Variants in AGBL1 observed in about 807,000 individuals in gnomAD.
AGBL1 encodes the protein cytosolic carboxypeptidase 4.
AGBL1 carries 130 observed loss-of-function variants against 118.9 expected under a neutral mutation model. The observed-to-expected ratio is 1.09, with a 90% confidence interval of 0.95 to 1.26. The LOEUF (loss-of-function observed/expected upper bound fraction) is 1.26, where lower values mean the gene tolerates loss of function less well. Ranked by LOEUF, AGBL1 falls within the 50% of genes most tolerant of loss-of-function variation. AGBL1 has a pLI of 0.00. For synonymous variants in AGBL1, 555 were observed against 478.9 expected (o/e 1.16, Z -2.08); for missense variants, 1,584 against 1,298.1 (o/e 1.22, Z -3.38).
At chr15:86,317,931 C>T (rs2080042056) in intron 17 of AGBL1, among the ~76,000 whole-genome samples, 1 of 152,174 alleles carries the variant, frequency 6.6e-6, no homozygotes, top group African/African-American at 2.4e-5. Context: ...GTTGTATGGA[C>T]ACCAGATGCA....
chr15:86,965,498 T>G lies in AGBL1; in HGVS notation c.3222-22489T>G, dbSNP rs150018901. 8.9e-3 allele frequency among the ~76,000 whole-genome samples: 1,354 copies of G among 152,208 alleles called. 19 individuals are homozygous for G. Among genetic ancestry groups the G allele is most frequent in the Middle Eastern group, 0.034 (10 of 294 alleles). On this transcript the variant is annotated intron_variant, in intron 23 of 24. Transcript: ENST00000441037. ...GATGGGTTTGTTTTTTTCTTGTAAA[T>G]TTGTTTAAGTTCTTTATAGATTCTG...
chr15:86,490,156 C>G (rs2082761461), intron 18 of AGBL1, among the ~76,000 whole-genome samples: 1 of 152,052 alleles, frequency 6.6e-6, no homozygotes, highest in Non-Finnish European at 1.5e-5. Context: ...TTATCTCGTA[C>G]TTTCTGTTAT....
chr15:86,774,608 G>C, intron 22 of AGBL1, among the ~76,000 whole-genome samples: 1 of 152,116 alleles, frequency 6.6e-6, no homozygotes, highest in Admixed American at 6.6e-5. Flanking sequence ...GAAGCTCTAA[G>C]TACAGGGAGC....
intron 7 of AGBL1, among the ~76,000 whole-genome samples, chr15:86,248,868 G>C (rs2078763633): frequency 6.6e-6 from 1 of 152,172 alleles, no homozygotes; most frequent in Non-Finnish European, 1.5e-5. Flanking sequence ...TGTTCTTTTA[G>C]AGAGAGAGGT....
chr15:86,384,318 A>G (rs1163708838), intron 17 of AGBL1, among the ~76,000 whole-genome samples: 1 of 152,214 alleles, frequency 6.6e-6, no homozygotes, highest in East Asian at 1.9e-4. Context: ...GTAGCGTGGG[A>G]TACAAGTGAG....
chr15:86,712,242 A>C (rs757032033), intron 22 of AGBL1, among the ~76,000 whole-genome samples: 1 of 152,216 alleles, frequency 6.6e-6, no homozygotes, highest in Non-Finnish European at 1.5e-5. Flanking sequence ...AATTAAAACA[A>C]ACAAAGCAAT....
At chr15:86,246,328 G>A (rs1471849086) in intron 6 of AGBL1, among the ~76,000 whole-genome samples, 5 of 152,228 alleles carry the variant, frequency 3.3e-5, no homozygotes, top group Non-Finnish European at 7.3e-5. Flanking sequence ...TCGTTACAGA[G>A]CCAGGAGAAT....
intron 18 of AGBL1, among the ~76,000 whole-genome samples, chr15:86,446,761 C>T (rs1304188502): frequency 6.6e-6 from 1 of 152,146 alleles, no homozygotes; most frequent in Non-Finnish European, 1.5e-5. Context: ...ATCCCTGCAG[C>T]TCATATGCTT....
chr15:86,187,370 C>G (rs1451237628), intron 5 of AGBL1, among the ~76,000 whole-genome samples: 1 of 152,188 alleles, frequency 6.6e-6, no homozygotes, highest in African/African-American at 2.4e-5. Flanking sequence ...AGAGTTCTGA[C>G]TTGAAACTTC....
intron 18 of AGBL1, among the ~76,000 whole-genome samples, chr15:86,412,694 C>T (rs74025120): frequency 0.013 from 1,991 of 152,200 alleles, 39 homozygotes; most frequent in African/African-American, 0.044. Context: ...TGGTCTTAGT[C>T]GTCTACACAT....
chr15:86,724,480 A>G (rs1206297523), intron 22 of AGBL1, among the ~76,000 whole-genome samples: 1 of 152,106 alleles, frequency 6.6e-6, no homozygotes, highest in Non-Finnish European at 1.5e-5. Flanking sequence ...TCATGGATGA[A>G]TAGCAATAGT....
At chr15:86,966,060 T>C (rs560452487) in intron 23 of AGBL1, among the ~76,000 whole-genome samples, 3 of 152,010 alleles carry the variant, frequency 2.0e-5, no homozygotes, top group Non-Finnish European at 4.4e-5. Flanking sequence ...TAAATTGTTT[T>C]TGAGGTCACT....
chr15:86,573,529 G>A (rs1267286771), intron 21 of AGBL1, among the ~76,000 whole-genome samples: 1 of 152,218 alleles, frequency 6.6e-6, no homozygotes, highest in Non-Finnish European at 1.5e-5. Flanking sequence ...TTCTTTGAAA[G>A]TAGGGCAGGG....
intron 16 of AGBL1, 67 bp downstream of exon 16, chr15:86,279,850 A>G: frequency 6.4e-7 from 1 of 1,567,836 alleles, no homozygotes; most frequent in Non-Finnish European, 8.8e-7. Context: ...TCCTGGGAAC[A>G]TTTTGGAGAC....
At chr15:86,824,664 C>T (rs1425784545) in intron 22 of AGBL1, among the ~76,000 whole-genome samples, 3 of 152,026 alleles carry the variant, frequency 2.0e-5, no homozygotes, top group Non-Finnish European at 4.4e-5. Flanking sequence ...AGATGAATCA[C>T]TCTACCTGAC....
At chr15:86,988,310 TCTGTATGCATAGAA>T (rs2141735825) in intron 24 of AGBL1, 1 of 482,594 alleles carries the variant, frequency 2.1e-6, no homozygotes, top group Non-Finnish European at 3.7e-6. Flanking sequence ...TACTGGTTGT[TCTGTATGCATAGAA>T]CTCAGTACTT....
intron 18 of AGBL1, among the ~76,000 whole-genome samples, chr15:86,426,667 A>G (rs2081870272): frequency 6.6e-6 from 1 of 152,204 alleles, no homozygotes; most frequent in Non-Finnish European, 1.5e-5. Context: ...TTATAATATA[A>G]ATGCACACAT....
chr15:86,296,472 C>G (rs2079643937), intron 17 of AGBL1: 1 of 150,136 alleles, frequency 6.7e-6, no homozygotes, highest in African/African-American at 2.5e-5. Context: ...AAGCTACAGC[C>G]TTCTCTGAGG....
chr15:86,628,493 T>C (rs897074658), intron 21 of AGBL1, among the ~76,000 whole-genome samples: 3 of 152,140 alleles, frequency 2.0e-5, no homozygotes, highest in Admixed American at 1.3e-4. Context: ...TGAACTAATT[T>C]TTTTTCTTTA....
Sources: gnomAD v4.1 joint callset for allele counts (sites outside exome capture counted in the v4.1 genomes callset) on GRCh38, gnomAD v4.1.1 for gene constraint, MANE v1.5 for transcripts, NCBI Gene and HGNC (gene_info 2026-07-23, HGNC 2026-07-21) for gene names.